The following PAWR variants were observed in gnomAD, a reference collection of about 807,000 sequenced individuals.
PAWR encodes the protein pro-apoptotic WT1 regulator.
PAWR carries 23 observed loss-of-function variants against 32.0 expected under a neutral mutation model. That is an observed-to-expected ratio of 0.72 (90% CI 0.52 to 1.02). The LOEUF (loss-of-function observed/expected upper bound fraction) is 1.02, where lower values mean the gene tolerates loss of function less well. PAWR is among the 50% of genes least tolerant of loss of function. The pLI, the probability that PAWR is intolerant of heterozygous loss-of-function variation, is 0.00. For missense variants in PAWR, 457 were observed against 437.7 expected (o/e 1.04, Z -0.39); for synonymous variants, 226 against 187.1 (o/e 1.21, Z -1.70).
intron 2 of PAWR, among the ~76,000 whole-genome samples, chr12:79,673,269 C>T (rs990597476): frequency 1.3e-5 from 2 of 152,026 alleles, no homozygotes; most frequent in Non-Finnish European, 2.9e-5. Flanking sequence ...CGGGGTTTCA[C>T]CGTGTTAGCC....
At chr12:79,648,395 G>A (rs1390584198) in intron 2 of PAWR, among the ~76,000 whole-genome samples, 1 of 151,856 alleles carries the variant, frequency 6.6e-6, no homozygotes, top group Non-Finnish European at 1.5e-5. Context: ...AAATTTAAGT[G>A]GCCACATTTC....
At position 79,649,605 on chromosome 12, in the gene PAWR, T is replaced by C. The variant is rs566630417; in HGVS notation, c.517-28398A>G. On this transcript the variant is annotated intron_variant, in intron 2 of 6. Transcript: ENST00000328827. ...AGTACAAGACCAGCCCGGTGCAACA[T>C]AGCAAAACACTGTCTCTATAAAAAA... is the stretch of plus-strand genomic sequence containing the variant. Among the ~76,000 whole-genome samples the C allele has an allele frequency of 6.6e-5, 10 of 152,100 alleles. No individual in the cohort carries two copies. The South Asian group carries it at 8.3e-4, about 13-fold the overall frequency.
At chr12:79,636,148 A>C (rs1452158187) in intron 2 of PAWR, among the ~76,000 whole-genome samples, 1 of 152,178 alleles carries the variant, frequency 6.6e-6, no homozygotes, top group African/African-American at 2.4e-5. Flanking sequence ...TCCTACTACT[A>C]ACATTTCTAT....
intron 4 of PAWR, chr12:79,604,213 T>C (rs1325563973): frequency 5.0e-5 from 49 of 977,770 alleles, no homozygotes; most frequent in Non-Finnish European, 5.7e-5. Flanking sequence ...AATGTTAACA[T>C]AAATCTCTAA....
At chr12:79,612,378 A>G (rs552775063) in intron 4 of PAWR, among the ~76,000 whole-genome samples, 2 of 152,290 alleles carry the variant, frequency 1.3e-5, no homozygotes, top group South Asian at 4.1e-4. Flanking sequence ...AAATTTTTAT[A>G]TAATATTGGT....
At chr12:79,688,208 A>G (rs1254775151) in intron 2 of PAWR, among the ~76,000 whole-genome samples, 1 of 151,532 alleles carries the variant, frequency 6.6e-6, no homozygotes, top group Non-Finnish European at 1.5e-5. Context: ...TACTTCCCCC[A>G]GTAAACATTA....
At chr12:79,626,162 T>TAAAAAAAAAAAAAAAAAAAAAAAA (rs1566007978) in intron 2 of PAWR, among the ~76,000 whole-genome samples, 1 of 41,858 alleles carries the variant, frequency 2.4e-5, no homozygotes, top group African/African-American at 1.5e-4. Flanking sequence ...AGACTCCATC[T>TAAAAAAAAAAAAAAAAAAAAAAAA]TAAAAAAAAA....
intron 4 of PAWR, among the ~76,000 whole-genome samples, chr12:79,611,603 CT>C (rs1344120609): frequency 6.6e-6 from 1 of 151,676 alleles, no homozygotes; most frequent in East Asian, 1.9e-4. Flanking sequence ...GGTTTTGTGG[CT>C]TTTTAAGTTT....
At chr12:79,626,572 T>C (rs1309072819) in intron 2 of PAWR, among the ~76,000 whole-genome samples, 2 of 151,144 alleles carry the variant, frequency 1.3e-5, no homozygotes, top group Non-Finnish European at 2.9e-5. Context: ...TGACAACTTT[T>C]TTTTTCCTTT....
rs1873943510 is a variant in PAWR, at chr12:79,601,077, G to A, written c.684-4419C>T. Among the ~76,000 whole-genome samples, 10 of 152,162 alleles carry A rather than the reference G, an allele frequency of 6.6e-5. No homozygotes were observed. In the South Asian group the frequency reaches 2.1e-3, roughly 32 times the overall value. Reference sequence around the variant, plus strand: ...GAGAAGGTTGAAACGTAAAAAGAAGGACAAGAATGTGCAAAAACCTATAAA... The same window carrying A: ...GAGAAGGTTGAAACGTAAAAAGAAGAACAAGAATGTGCAAAAACCTATAAA... On this transcript the variant is annotated intron_variant, in intron 4 of 6. Coordinates refer to ENST00000328827, the MANE Select transcript of PAWR (RefSeq NM_002583.4).
At chr12:79,632,351 A>ATG (rs1875736391) in intron 2 of PAWR, among the ~76,000 whole-genome samples, 11 of 23,926 alleles carry the variant, frequency 4.6e-4, no homozygotes, top group African/African-American at 3.8e-3. Flanking sequence ...ATATATATAT[A>ATG]TATATATATA....
chr12:79,598,383 G>A (rs770968403), intron 4 of PAWR, among the ~76,000 whole-genome samples: 4 of 152,176 alleles, frequency 2.6e-5, no homozygotes, highest in Non-Finnish European at 1.5e-5. Flanking sequence ...AGAAATAGCA[G>A]TGATTTTAAT....
chr12:79,596,541 T>C lies in PAWR; in HGVS notation c.801A>G (p.Thr267=), dbSNP rs1233153107. Residue 267 remains threonine (T), a synonymous_variant, in exon 5 of 7, where the codon ACA becomes ACG. Coordinates refer to ENST00000328827, the MANE Select transcript of PAWR (RefSeq NM_002583.4). ...NVSGTLVSSS[T]LEKKIEDLEK... is the part of the protein sequence containing the mutation. The stretch of plus-strand genomic sequence containing the variant: ...CAAGATCTTCAATTTTCTTTTCCAG[T>C]GTGCTACTTGAAACCAGAGTACCTG... 6.3e-7 allele frequency: 1 copy of C among 1,581,748 alleles called. No individual in the cohort carries two copies. The highest frequency in any genetic ancestry group is 1.8e-5 in the Admixed American group (1 of 56,580).
chr12:79,609,404 G>A (rs1874336562), intron 4 of PAWR, among the ~76,000 whole-genome samples: 1 of 152,102 alleles, frequency 6.6e-6, no homozygotes, highest in South Asian at 2.1e-4. Flanking sequence ...GGGCAGAAGA[G>A]GGTGGTCCTG....
At chr12:79,670,465 GAA>G (rs34804169) in intron 2 of PAWR, among the ~76,000 whole-genome samples, 5 of 148,346 alleles carry the variant, frequency 3.4e-5, no homozygotes, top group East Asian at 2.0e-4. Flanking sequence ...TTTTCTTGGG[GAA>G]AAAAAAAATG....
At chr12:79,622,035 C>CA (rs201516094) in intron 2 of PAWR, among the ~76,000 whole-genome samples, 1,689 of 150,930 alleles carry the variant, frequency 0.011, 39 homozygotes, top group African/African-American at 0.038. Flanking sequence ...AAAACAAAAA[C>CA]AAAAAAAACC....
At chr12:79,633,360 A>G (rs1245744561) in intron 2 of PAWR, among the ~76,000 whole-genome samples, 1 of 152,126 alleles carries the variant, frequency 6.6e-6, no homozygotes, top group Non-Finnish European at 1.5e-5. Context: ...TCACCAAAGA[A>G]ATGTCAAATA....
At chr12:79,626,034 C>T (rs1228789467) in intron 2 of PAWR, among the ~76,000 whole-genome samples, 9 of 131,208 alleles carry the variant, frequency 6.9e-5, no homozygotes, top group African/African-American at 1.4e-4. Flanking sequence ...CGTGGTGGCA[C>T]GCGCCTGTAG....
chr12:79,623,328 A>C (rs541170295), intron 2 of PAWR, among the ~76,000 whole-genome samples: 2 of 152,322 alleles, frequency 1.3e-5, no homozygotes, highest in African/African-American at 4.8e-5. Context: ...AGCAAAATTT[A>C]AAGTAAAATC....
Sources: allele counts gnomAD v4.1 joint callset (sites outside exome capture counted in the v4.1 genomes callset), GRCh38; gene constraint gnomAD v4.1.1; transcripts MANE v1.5; gene names NCBI Gene and HGNC (gene_info 2026-07-23, HGNC 2026-07-21).